GPHN: variants seen among roughly 807,000 people sequenced by gnomAD.
GPHN encodes gephyrin.
In GPHN, 17 loss-of-function variants were observed where a neutral mutation model predicts 95.5. The observed-to-expected ratio is 0.18, with a 90% CI of 0.12 to 0.27. The LOEUF (loss-of-function observed/expected upper bound fraction) is 0.27, where lower values mean the gene tolerates loss of function less well. Ranked by LOEUF, GPHN falls within the 10% of genes least tolerant of loss-of-function variation. The pLI is 1.00. For synonymous variants in GPHN, 320 were observed against 322.5 expected (o/e 0.99, Z 0.08); for missense variants, 660 against 978.1 (o/e 0.67, Z 4.34).
chr14:67,535,587 G>A, the GPHN span, among the ~76,000 whole-genome samples: 2 of 151,792 alleles, frequency 1.3e-5, no homozygotes, highest in Non-Finnish European at 2.9e-5. Flanking sequence ...TCACCATGTT[G>A]GCCAGTCTGG....
At chr14:66,909,791 A>G (rs1472919626) in intron 5 of GPHN, among the ~76,000 whole-genome samples, 1 of 151,996 alleles carries the variant, frequency 6.6e-6, no homozygotes, top group Non-Finnish European at 1.5e-5. Context: ...AAATGATACA[A>G]GCATTGAAAA....
chr14:67,022,557 T>TGG lies in GPHN; in HGVS notation c.964-1076_964-1075insGG, dbSNP rs2073690110. The stretch of plus-strand genomic sequence containing the variant: ...TTATTTTTCCTTTTTTTTTTTTTTT[T>TGG]TTTTTTTTTTGGTGTGTGTGTGTGT... On this transcript the variant is annotated intron_variant, in intron 9 of 22. Coordinates refer to ENST00000478722, the MANE Select transcript of GPHN (RefSeq NM_020806.5). 5.0e-5 allele frequency among the ~76,000 whole-genome samples: 6 copies of TGG among 120,708 alleles called. 1 individual carries two copies. The highest frequency in any genetic ancestry group is 5.3e-4 in the East Asian group (2 of 3,752). 79.2% of individuals were successfully genotyped at this position (120,708 alleles called of 152,430 possible). A position where few individuals can be genotyped will look rare whatever the true frequency, so the allele number is the denominator to read the frequency against.
the GPHN span, chr14:67,589,783 T>C: frequency 1.8e-6 from 2 of 1,086,824 alleles, no homozygotes; most frequent in Non-Finnish European, 2.2e-6. Flanking sequence ...CTGAACATGC[T>C]TAGCAATTTC....
the GPHN span, among the ~76,000 whole-genome samples, chr14:67,657,598 G>GCACGCACACACA: frequency 2.3e-4 from 26 of 112,424 alleles, 1 homozygote; most frequent in African/African-American, 9.2e-4. Context: ...GCGCGCGCGT[G>GCACGCACACACA]CACACACACA....
At chr14:66,548,552 G>T (rs750931769) in intron 1 of GPHN, among the ~76,000 whole-genome samples, 1 of 152,158 alleles carries the variant, frequency 6.6e-6, no homozygotes, top group Non-Finnish European at 1.5e-5. Context: ...TGTGAATTCT[G>T]ACTCTTCCAC....
the GPHN span, among the ~76,000 whole-genome samples, chr14:67,500,747 A>AT: frequency 6.6e-6 from 1 of 151,002 alleles, no homozygotes. Flanking sequence ...AATTTTTTGT[A>AT]TTTTTACTAG....
intron 21 of GPHN, among the ~76,000 whole-genome samples, chr14:67,172,990 CCTT>C (rs1012808415): frequency 6.6e-6 from 1 of 152,190 alleles, no homozygotes; most frequent in Non-Finnish European, 1.5e-5. Flanking sequence ...CAGGGGCAAC[CCTT>C]CTTCTCTGGA....
chr14:66,604,723 C>T (rs1595191346), intron 1 of GPHN, among the ~76,000 whole-genome samples: 3 of 151,820 alleles, frequency 2.0e-5, no homozygotes, highest in Admixed American at 1.3e-4. Flanking sequence ...ATTTTAGGTT[C>T]GGGGGTACAT....
chr14:67,697,593 TTTTC>T, the GPHN span, among the ~76,000 whole-genome samples: 1 of 152,186 alleles, frequency 6.6e-6, no homozygotes, highest in Non-Finnish European at 1.5e-5. Flanking sequence ...GGTACTATAA[TTTTC>T]CCTATTTTAC....
At chr14:67,118,132 G>A (rs1184054253) in intron 16 of GPHN, among the ~76,000 whole-genome samples, 1 of 152,136 alleles carries the variant, frequency 6.6e-6, no homozygotes, top group African/African-American at 2.4e-5. Flanking sequence ...ATAAACGATA[G>A]ATTAACAAGA....
intron 4 of GPHN, among the ~76,000 whole-genome samples, chr14:66,864,294 T>C (rs1333976992): frequency 6.6e-6 from 1 of 152,190 alleles, no homozygotes; most frequent in Non-Finnish European, 1.5e-5. Flanking sequence ...AAATGGCTTT[T>C]ATCCGAAAGA....
chr14:66,793,189 C>A (rs1216341019), intron 3 of GPHN, among the ~76,000 whole-genome samples: 3 of 152,220 alleles, frequency 2.0e-5, no homozygotes, highest in African/African-American at 7.2e-5. Flanking sequence ...GGGCCTGTTC[C>A]CAACAGTAAA....
the GPHN span, among the ~76,000 whole-genome samples, chr14:67,554,052 C>T: frequency 1.3e-5 from 2 of 152,142 alleles, no homozygotes; most frequent in Admixed American, 1.3e-4. Flanking sequence ...TTCGGATGAG[C>T]ATAACTCTAA....
At chr14:67,166,774 G>A (rs979164688) in intron 20 of GPHN, among the ~76,000 whole-genome samples, 3 of 152,056 alleles carry the variant, frequency 2.0e-5, no homozygotes, top group African/African-American at 4.8e-5. Context: ...GGCTCAAGCC[G>A]TTCTCCCACC....
chr14:66,971,189 G>A (rs969863830), intron 9 of GPHN, among the ~76,000 whole-genome samples: 11 of 152,256 alleles, frequency 7.2e-5, no homozygotes, highest in Middle Eastern at 3.4e-3. Context: ...TTAGCCAGGC[G>A]CGTTGGCACA....
At chr14:67,474,065 A>G in the GPHN span, 1 of 1,093,578 alleles carries the variant, frequency 9.1e-7, no homozygotes. Flanking sequence ...CAGCCTGGCC[A>G]TCATGGTGAA....
At chr14:67,482,601 C>T in the GPHN span, among the ~76,000 whole-genome samples, 296 of 152,294 alleles carry the variant, frequency 1.9e-3, 1 homozygote, top group Non-Finnish European at 3.5e-3. Context: ...GGCAACGCAG[C>T]GGGGGACAGC....
intron 4 of GPHN, among the ~76,000 whole-genome samples, chr14:66,842,364 A>G (rs957189402): frequency 6.6e-6 from 1 of 152,160 alleles, no homozygotes; most frequent in Non-Finnish European, 1.5e-5. Context: ...AACCCGACCT[A>G]CACAGGAAGT....
the GPHN span, among the ~76,000 whole-genome samples, chr14:67,375,263 T>TGTGC: frequency 6.7e-6 from 1 of 148,432 alleles, no homozygotes; most frequent in South Asian, 2.1e-4. Context: ...TGTGTGTGTG[T>TGTGC]GTGTGTGTGT....
Sources: gnomAD v4.1 joint callset for allele counts (sites outside exome capture counted in the v4.1 genomes callset) on GRCh38, gnomAD v4.1.1 for gene constraint, MANE v1.5 for transcripts, NCBI Gene and HGNC (gene_info 2026-07-23, HGNC 2026-07-21) for gene names.